The following TNKS variants were observed in gnomAD, a reference collection of about 807,000 sequenced individuals.
TNKS encodes the protein poly [ADP-ribose] polymerase tankyrase-1.
A neutral mutation model predicts 135.8 loss-of-function variants in TNKS; 72 were observed. That is an observed-to-expected ratio of 0.53 (90% CI 0.44 to 0.64). The LOEUF (loss-of-function observed/expected upper bound fraction) is 0.64. Ranked by LOEUF, TNKS falls within the 30% of genes least tolerant of loss-of-function variation. TNKS has a pLI of 0.00. For missense variants in TNKS, 1,769 were observed against 1,674.0 expected, an observed-to-expected ratio of 1.06 and a Z score of -0.99; for synonymous variants, 849 against 649.3, an observed-to-expected ratio of 1.31 and a Z score of -4.68.
chr8:9,632,844 C>T (rs10090999), intron 3 of TNKS, among the ~76,000 whole-genome samples: 1 of 152,066 alleles, frequency 6.6e-6, no homozygotes, highest in Admixed American at 6.5e-5. Context: ...ATTCTCCTGC[C>T]TCAGCCTCCC....
At chr8:9,601,417 A>G (rs1799011555) in intron 2 of TNKS, among the ~76,000 whole-genome samples, 1 of 152,134 alleles carries the variant, frequency 6.6e-6, no homozygotes, top group South Asian at 2.1e-4. Flanking sequence ...CCCCATCATC[A>G]TTGTTTGTAT....
rs1030437702 is a variant in TNKS, at chr8:9,600,627, A to G, written c.899-14955A>G. Among the ~76,000 whole-genome samples, 4 of 152,050 alleles carry G rather than the reference A, an allele frequency of 2.6e-5. No individual in the cohort carries two copies. In the South Asian group the frequency reaches 8.3e-4, roughly 32 times the overall value. On this transcript the variant is annotated intron_variant, in intron 2 of 26. Transcript: ENST00000310430. Reference sequence around the variant, plus strand: ...ACTGCGCCTGGCTGAACTTTTTTTTAAAAAAGAAATGCAGTTTTTATTTTT... The same window carrying G: ...ACTGCGCCTGGCTGAACTTTTTTTTGAAAAAGAAATGCAGTTTTTATTTTT...
At chr8:9,615,811 A>C (rs1585234222) in intron 3 of TNKS, 134 bp downstream of exon 3, 2 of 635,160 alleles carry the variant, frequency 3.1e-6, no homozygotes, top group East Asian at 5.8e-5. Context: ...CTACTACTTT[A>C]TTATTGATTT....
intron 18 of TNKS, among the ~76,000 whole-genome samples, chr8:9,750,478 A>C (rs1322325616): frequency 6.6e-6 from 1 of 152,228 alleles, no homozygotes; most frequent in Non-Finnish European, 1.5e-5. Context: ...AAATTTATTT[A>C]GGTTTACGTT....
chr8:9,560,493 CTTTTTTTTTTTTT>C (rs535715245), intron 1 of TNKS, among the ~76,000 whole-genome samples: 14 of 42,288 alleles, frequency 3.3e-4, no homozygotes, highest in Admixed American at 7.9e-4. Flanking sequence ...CCATACTTGT[CTTTTTTTTTTTTT>C]TTTTTTTTTT....
At chr8:9,751,948 C>A in intron 19 of TNKS, 102 bp downstream of exon 19, 2 of 1,023,188 alleles carry the variant, frequency 2.0e-6, no homozygotes, top group East Asian at 2.4e-5. Context: ...TTAGAGACGT[C>A]CTGTCTGTAA....
At chr8:9,618,057 G>C (rs1799715388) in intron 3 of TNKS, among the ~76,000 whole-genome samples, 1 of 144,430 alleles carries the variant, frequency 6.9e-6, no homozygotes, top group Admixed American at 7.3e-5. Context: ...AACGATCTCA[G>C]CTCACTGCAA....
At chr8:9,589,602 C>G (rs771433558) in intron 2 of TNKS, among the ~76,000 whole-genome samples, 6 of 152,214 alleles carry the variant, frequency 3.9e-5, no homozygotes, top group Non-Finnish European at 5.9e-5. Context: ...GATGTTGACC[C>G]TTAATCAGTT....
At chr8:9,680,137 A>C (rs1327466258) in intron 4 of TNKS, 150 bp downstream of exon 4, 9 of 548,904 alleles carry the variant, frequency 1.6e-5, no homozygotes, top group Non-Finnish European at 2.9e-5. Context: ...ACTTTATATC[A>C]TTATTGTATA....
chr8:9,752,384 A>G (rs1806590727), intron 19 of TNKS, among the ~76,000 whole-genome samples, 160 bp from the exon 20 acceptor site: 1 of 152,226 alleles, frequency 6.6e-6, no homozygotes, highest in South Asian at 2.1e-4. Flanking sequence ...CAACTTCAGA[A>G]ATAAAGTGTC....
rs371419802 is a variant in TNKS, at chr8:9,745,013, C to G, written c.2644-3011C>G. ...TGGAAGCCTGTGTAAATTAGTCTACCAGATTATATTATTCGGCCTGTAAAC... is the reference window on the plus strand; with the variant it reads ...TGGAAGCCTGTGTAAATTAGTCTACGAGATTATATTATTCGGCCTGTAAAC... On this transcript the variant is annotated intron_variant, in intron 17 of 26. Coordinates refer to ENST00000310430, the MANE Select transcript of TNKS (RefSeq NM_003747.3). 1.3e-3 allele frequency among the ~76,000 whole-genome samples: 204 copies of G among 152,216 alleles called. 3 individuals carry two copies. In the South Asian group the frequency reaches 0.042, roughly 31 times the overall value.
intron 26 of TNKS, among the ~76,000 whole-genome samples, chr8:9,773,063 T>A (rs1348487276): frequency 6.6e-6 from 1 of 151,818 alleles, no homozygotes; most frequent in African/African-American, 2.4e-5. Context: ...AAGGAAGGAA[T>A]AAATTTGTCA....
chr8:9,666,835 T>C (rs1345109760), intron 3 of TNKS, among the ~76,000 whole-genome samples: 2 of 152,066 alleles, frequency 1.3e-5, no homozygotes, highest in African/African-American at 4.8e-5. Context: ...CAAAGGCTGG[T>C]GGAGGTTCAT....
intron 12 of TNKS, among the ~76,000 whole-genome samples, chr8:9,721,768 A>G (rs1310073400): frequency 1.3e-5 from 2 of 152,258 alleles, no homozygotes; most frequent in East Asian, 3.9e-4. Flanking sequence ...AAACGCCCTA[A>G]CTAGATCGGG....
intron 11 of TNKS, among the ~76,000 whole-genome samples, chr8:9,714,733 G>A (rs1375821834): frequency 1.3e-5 from 2 of 152,304 alleles, no homozygotes; most frequent in South Asian, 4.1e-4. Context: ...TGAATTGGGT[G>A]TTAGAGTGGA....
intron 5 of TNKS, among the ~76,000 whole-genome samples, chr8:9,690,756 C>G (rs538572967): frequency 6.6e-6 from 1 of 152,026 alleles, no homozygotes; most frequent in Non-Finnish European, 1.5e-5. Context: ...ATTACAGAAA[C>G]CTTGTTTTAT....
chr8:9,690,760 G>C (rs1490587860), intron 5 of TNKS, among the ~76,000 whole-genome samples: 1 of 152,224 alleles, frequency 6.6e-6, no homozygotes, highest in Non-Finnish European at 1.5e-5. Context: ...CAGAAACCTT[G>C]TTTTATATTT....
intron 1 of TNKS, among the ~76,000 whole-genome samples, chr8:9,560,070 A>G (rs185244972): frequency 1.6e-3 from 241 of 152,202 alleles, no homozygotes; most frequent in African/African-American, 5.4e-3. Context: ...CTGGTTTTCT[A>G]TTATTTAAAG....
intron 2 of TNKS, among the ~76,000 whole-genome samples, chr8:9,589,788 G>C (rs1477169942): frequency 2.6e-5 from 4 of 152,220 alleles, no homozygotes; most frequent in Admixed American, 6.5e-5. Flanking sequence ...TTCGAAAATT[G>C]ATTACTGTTA....
Sources: gnomAD v4.1 joint callset for allele counts (sites outside exome capture counted in the v4.1 genomes callset) on GRCh38, gnomAD v4.1.1 for gene constraint, MANE v1.5 for transcripts, NCBI Gene and HGNC (gene_info 2026-07-23, HGNC 2026-07-21) for gene names.